SORCS2: variants seen among roughly 807,000 people sequenced by gnomAD.
SORCS2 encodes VPS10 domain-containing receptor SorCS2.
In SORCS2, 100 loss-of-function variants were observed where a neutral mutation model predicts 141.6. The observed-to-expected ratio is 0.71, with a 90% CI of 0.60 to 0.83. SORCS2 has a LOEUF of 0.83. Among genes scored for constraint, SORCS2 ranks in the 40% least tolerant of loss-of-function variants. The pLI, the probability that SORCS2 is intolerant of heterozygous loss-of-function variation, is 0.00. For synonymous variants in SORCS2, 789 were observed against 676.9 expected (o/e 1.17, Z -2.57); for missense variants, 1,646 against 1,560.2 (o/e 1.05, Z -0.93).
At chr4:7,301,992 G>A (rs1362230976) in intron 1 of SORCS2, among the ~76,000 whole-genome samples, 1 of 152,228 alleles carries the variant, frequency 6.6e-6, no homozygotes. Context: ...AGTGGCCTCT[G>A]TGTCCCACCG....
rs1439676066 is a variant in SORCS2 at position 7,648,735 on chromosome 4, G to A, written c.814-5399G>A. Among the ~76,000 whole-genome samples the A allele has an allele frequency of 6.6e-6, 1 of 152,130 alleles. No homozygotes were observed. The highest frequency in any genetic ancestry group is 1.9e-4 in the East Asian group (1 of 5,194). On this transcript the variant is annotated intron_variant, in intron 4 of 26. Transcript: ENST00000507866. This position sits in a 1 kb window ranked among gnomAD's most constrained non-coding sequence, Gnocchi z 4.2. ...TTGGACCTGCCATGGTGGAGGAAGAGAGGCTAGAAACCAGGGACAGGCACC... is the reference window on the plus strand; with the variant it reads ...TTGGACCTGCCATGGTGGAGGAAGAAAGGCTAGAAACCAGGGACAGGCACC...
chr4:7,484,589 G>A (rs1730858502), intron 2 of SORCS2, among the ~76,000 whole-genome samples: 1 of 152,230 alleles, frequency 6.6e-6, no homozygotes, highest in East Asian at 1.9e-4. Context: ...CCAGGAACAG[G>A]AAGGCCTCTG....
At chr4:7,718,425 A>G (rs1407325924) in intron 18 of SORCS2, among the ~76,000 whole-genome samples, 1 of 152,158 alleles carries the variant, frequency 6.6e-6, no homozygotes, top group Non-Finnish European at 1.5e-5. Flanking sequence ...AGGGGGTATT[A>G]GGGTCCCCGC....
intron 14 of SORCS2, among the ~76,000 whole-genome samples, chr4:7,711,975 AG>A (rs918699960): frequency 5.9e-5 from 9 of 152,078 alleles, no homozygotes; most frequent in African/African-American, 2.2e-4. Context: ...AGCCACACTC[AG>A]GGAGTGTGGG....
intron 2 of SORCS2, among the ~76,000 whole-genome samples, chr4:7,462,356 A>G (rs1343086753): frequency 6.6e-6 from 1 of 152,208 alleles, no homozygotes; most frequent in East Asian, 1.9e-4. Context: ...AATGGGGCAA[A>G]GGGCAGCACG....
intron 3 of SORCS2, among the ~76,000 whole-genome samples, chr4:7,618,569 T>C (rs893805202): frequency 6.6e-6 from 1 of 152,156 alleles, no homozygotes; most frequent in African/African-American, 2.4e-5. Context: ...TGCCTCCAGC[T>C]TCGGGACTCC....
chr4:7,374,171 CTTTCTTTCTTTCTTTCTTTCTTTCTTTT>C, intron 1 of SORCS2, among the ~76,000 whole-genome samples: 1 of 135,592 alleles, frequency 7.4e-6, no homozygotes, highest in Non-Finnish European at 1.6e-5. Flanking sequence ...TTCTTTCTTT[CTTTCTTTCTTTCTTTCTTTCTTTCTTTT>C]TTGCAGAGAG....
At chr4:7,404,508 C>T (rs75246047) in intron 2 of SORCS2, among the ~76,000 whole-genome samples, 2,771 of 152,168 alleles carry the variant, frequency 0.018, 87 homozygotes, top group African/African-American at 0.064. Context: ...TCCTCACCAA[C>T]ATCTGTTATT....
intron 14 of SORCS2, among the ~76,000 whole-genome samples, chr4:7,712,102 C>G (rs904099879): frequency 1.3e-5 from 2 of 152,162 alleles, no homozygotes; most frequent in African/African-American, 4.8e-5. Flanking sequence ...GGCCAGCCTC[C>G]CTATTCTGTC....
chr4:7,343,568 G>A (rs1044944099), intron 1 of SORCS2, among the ~76,000 whole-genome samples: 4 of 152,194 alleles, frequency 2.6e-5, no homozygotes, highest in African/African-American at 7.2e-5. Context: ...AAGTGCAGGC[G>A]GGAAGCTCAG....
chr4:7,653,097 TG>T (rs1721543097), intron 4 of SORCS2, among the ~76,000 whole-genome samples: 1 of 152,196 alleles, frequency 6.6e-6, no homozygotes. Context: ...ACAAGGACAG[TG>T]GTGGTCACTG....
At chr4:7,257,058 T>C (rs1267804745) in intron 1 of SORCS2, among the ~76,000 whole-genome samples, 1 of 151,904 alleles carries the variant, frequency 6.6e-6, no homozygotes, top group Non-Finnish European at 1.5e-5. Context: ...ACAGGACAAG[T>C]TTTGCTATTT....
chr4:7,239,256 CA>C (rs1712515066), intron 1 of SORCS2, among the ~76,000 whole-genome samples: 2 of 152,236 alleles, frequency 1.3e-5, no homozygotes, highest in South Asian at 4.1e-4. Context: ...GCTATGTTGG[CA>C]GCTTCTGAGC....
intron 1 of SORCS2, among the ~76,000 whole-genome samples, chr4:7,311,327 G>A (rs149400329): frequency 6.6e-6 from 1 of 152,266 alleles, no homozygotes; most frequent in East Asian, 1.9e-4. Context: ...GTTGATGGCT[G>A]TCTGGGATGT....
intron 2 of SORCS2, among the ~76,000 whole-genome samples, chr4:7,456,189 G>A (rs1010356838): frequency 5.3e-5 from 8 of 152,170 alleles, no homozygotes; most frequent in African/African-American, 1.9e-4. Context: ...TTTGACCTTA[G>A]TTACTTTAAA....
chr4:7,469,657 A>G (rs1729851211), intron 2 of SORCS2, among the ~76,000 whole-genome samples: 2 of 152,330 alleles, frequency 1.3e-5, no homozygotes, highest in South Asian at 4.1e-4. Flanking sequence ...GCAGGCCTAC[A>G]GATTATGAAG....
chr4:7,457,462 G>T (rs1207651916), intron 2 of SORCS2, among the ~76,000 whole-genome samples: 3 of 151,820 alleles, frequency 2.0e-5, no homozygotes, highest in Non-Finnish European at 4.4e-5. Context: ...ACACCAGGGA[G>T]CGTGCCCCAG....
chr4:7,236,122 G>A (rs1453412793), intron 1 of SORCS2, among the ~76,000 whole-genome samples: 2 of 152,224 alleles, frequency 1.3e-5, no homozygotes, highest in Non-Finnish European at 2.9e-5. Flanking sequence ...CGTTCATGTG[G>A]GTACCTATAC....
chr4:7,629,324 C>G (rs1719727101), intron 3 of SORCS2, among the ~76,000 whole-genome samples: 1 of 152,148 alleles, frequency 6.6e-6, no homozygotes, highest in Non-Finnish European at 1.5e-5. Context: ...AAGGGGCTCT[C>G]CGGAGCCAGA....
Sources: allele counts gnomAD v4.1 joint callset (sites outside exome capture counted in the v4.1 genomes callset), GRCh38; gene constraint gnomAD v4.1.1; non-coding constraint Gnocchi (gnomAD v3.1); transcripts MANE v1.5; gene names NCBI Gene and HGNC (gene_info 2026-07-23, HGNC 2026-07-21).